The following PRTG variants were observed in gnomAD, a reference collection of about 807,000 sequenced individuals.
PRTG encodes the protein immunoglobulin superfamily, DCC subclass, member 5.
A neutral mutation model predicts 122.5 loss-of-function variants in PRTG; 67 were observed. The ratio of observed to expected loss-of-function variants is 0.55; its 90% confidence interval spans 0.45 to 0.67. PRTG has a LOEUF of 0.67. Among genes scored for constraint, PRTG ranks in the 30% least tolerant of loss-of-function variants. PRTG has a pLI of 0.00. For synonymous variants in PRTG, 554 were observed against 501.1 expected (o/e 1.11, Z -1.41); for missense variants, 1,435 against 1,415.4 (o/e 1.01, Z -0.22).
intron 2 of PRTG, among the ~76,000 whole-genome samples, chr15:55,724,946 C>T (rs1212582710): frequency 6.6e-6 from 1 of 152,114 alleles, no homozygotes; most frequent in Non-Finnish European, 1.5e-5. Flanking sequence ...AACGAAAGGA[C>T]ATTGAACAGC....
chr15:55,733,969 T>C (rs1235029253), intron 2 of PRTG, among the ~76,000 whole-genome samples: 2 of 152,232 alleles, frequency 1.3e-5, no homozygotes, highest in African/African-American at 2.4e-5. Context: ...CCAACATCAC[T>C]GGAAAGTGTT....
intron 2 of PRTG, among the ~76,000 whole-genome samples, chr15:55,728,715 A>G (rs1437142515): frequency 6.6e-6 from 1 of 152,182 alleles, no homozygotes; most frequent in Non-Finnish European, 1.5e-5. Context: ...TGCTATCACC[A>G]CTGTGATTTA....
intron 11 of PRTG, among the ~76,000 whole-genome samples, chr15:55,646,455 T>C (rs2059324471): frequency 6.6e-6 from 1 of 151,888 alleles, no homozygotes; most frequent in African/African-American, 2.4e-5. Flanking sequence ...CCCAAGTAGC[T>C]AGGACTACAG....
In PRTG at chr15:55,615,448, T is replaced by C. The variant is rs192472041; in HGVS notation, c.*4564A>G. 2.0e-5 allele frequency: 3 copies of C among 152,204 alleles called. No homozygotes were observed. Among genetic ancestry groups the C allele is most frequent in the African/African-American group, 7.2e-5 (3 of 41,554 alleles). 9.4% of individuals were successfully genotyped at this position (152,204 alleles called of 1,614,324 possible). A position where few individuals can be genotyped will look rare whatever the true frequency, so the allele number is the denominator to read the frequency against. ...AAGATTAAAGCCTGAAACATACACATTGCATTAGCCTGTGATCTTATGTCC... is the reference window on the plus strand; with the variant it reads ...AAGATTAAAGCCTGAAACATACACACTGCATTAGCCTGTGATCTTATGTCC... On this transcript the variant is annotated 3_prime_UTR_variant, in exon 20 of 20. Transcript: ENST00000389286.
chr15:55,627,246 T>C, intron 16 of PRTG, 118 bp from the exon 17 acceptor site: 2 of 554,802 alleles, frequency 3.6e-6, no homozygotes, highest in Non-Finnish European at 3.0e-6. Flanking sequence ...AGTTTTGACA[T>C]TGTCAACATC....
At chr15:55,656,399 T>C (rs550370132) in intron 11 of PRTG, 1 of 449,650 alleles carries the variant, frequency 2.2e-6, no homozygotes, top group Non-Finnish European at 4.5e-6. Flanking sequence ...AATTATGACT[T>C]TAATTTAGGG....
chr15:55,659,810 T>C (rs2059399667), intron 11 of PRTG, among the ~76,000 whole-genome samples: 1 of 151,850 alleles, frequency 6.6e-6, no homozygotes, highest in Admixed American at 6.6e-5. Flanking sequence ...TCCCAGCTAC[T>C]TGGGAGGCTG....
chr15:55,721,102 G>T (rs2030805332), intron 2 of PRTG, among the ~76,000 whole-genome samples: 1 of 152,124 alleles, frequency 6.6e-6, no homozygotes, highest in South Asian at 2.1e-4. Context: ...ACGAAATACT[G>T]GCATCATCCT....
chr15:55,628,541 T>C (rs896501171), intron 16 of PRTG, among the ~76,000 whole-genome samples: 9 of 152,294 alleles, frequency 5.9e-5, no homozygotes, highest in Admixed American at 3.9e-4. Context: ...TACCAGTTCA[T>C]GGCTGATGTG....
At chr15:55,641,962 C>T (rs2141738551) in intron 11 of PRTG, among the ~76,000 whole-genome samples, 1 of 149,436 alleles carries the variant, frequency 6.7e-6, no homozygotes, top group South Asian at 2.1e-4. Flanking sequence ...ATCATGAGGT[C>T]AGGAGATCGA....
At chr15:55,628,250 G>A (rs2059206419) in intron 16 of PRTG, among the ~76,000 whole-genome samples, 1 of 152,140 alleles carries the variant, frequency 6.6e-6, no homozygotes, top group Admixed American at 6.5e-5. Context: ...CCCCAGAGAG[G>A]AGGCAAAGGC....
intron 1 of PRTG, among the ~76,000 whole-genome samples, chr15:55,740,975 C>G (rs1204847409): frequency 4.6e-5 from 7 of 152,188 alleles, no homozygotes; most frequent in Admixed American, 4.6e-4. Flanking sequence ...TCAAAATCAT[C>G]AGGAAAACTC....
intron 2 of PRTG, chr15:55,738,399 T>C: frequency 1.5e-6 from 1 of 678,022 alleles, no homozygotes; most frequent in Non-Finnish European, 2.7e-6. Context: ...CCTAGGATTC[T>C]ATCAGGCTTC....
rs143863174 is a variant in PRTG, at chr15:55,683,659, G to A, written c.542+128C>T. 620 of 692,478 alleles carry A rather than the reference G, an allele frequency of 9.0e-4. 4 individuals are homozygous for A. In the Middle Eastern group the frequency reaches 9.3e-3, roughly 10 times the overall value. The allele number at this position is 692,478 out of a possible 1,614,324, so 42.9% of individuals were successfully genotyped here. On this transcript the variant is annotated intron_variant, in intron 3 of 19. Coordinates refer to ENST00000389286, the MANE Select transcript of PRTG (RefSeq NM_173814.6). ...CTAATTCTTTGGCTAAGTTTGAAAT[G>A]TCTTAAGCAATCAGTTATTACTGCC...
intron 2 of PRTG, among the ~76,000 whole-genome samples, chr15:55,718,617 C>CA (rs144106032): frequency 0.03 from 3,640 of 122,978 alleles, 160 homozygotes; most frequent in African/African-American, 0.091. Context: ...TTGTTGCTCA[C>CA]AAAAAACAAA....
intron 11 of PRTG, among the ~76,000 whole-genome samples, chr15:55,651,973 G>A (rs1457836244): frequency 6.6e-6 from 1 of 152,086 alleles, no homozygotes; most frequent in Non-Finnish European, 1.5e-5. Context: ...GGAAGATAAA[G>A]CAATTACATC....
In PRTG at chr15:55,673,404, A is replaced by C; in HGVS notation, c.1819T>G (p.Ser607Ala). ...CTTGTAGCTTTGGGCGTCCTATGTG[A>C]AGTCCATACTGATGACTCTCCCAGC... ...VGLGESSVWT[S>A]HRTPKATSVK... The change falls in exon 10 of 20, where the codon TCA becomes GCA. Residue 607 changes from serine to alanine, a missense_variant. Physicochemically the swap from Ser to Ala is moderately conservative, Grantham distance 99 (BLOSUM62 1). Coordinates refer to ENST00000389286, the MANE Select transcript of PRTG (RefSeq NM_173814.6). 1.2e-6 allele frequency: 2 copies of C among 1,614,094 alleles called. 1 individual carries two copies.
intron 18 of PRTG, among the ~76,000 whole-genome samples, 157 bp downstream of exon 18, chr15:55,624,185 T>A (rs970142615): frequency 6.6e-6 from 1 of 152,160 alleles, no homozygotes; most frequent in African/African-American, 2.4e-5. Flanking sequence ...CCCTAAATAT[T>A]TTATGTAAGG....
At chr15:55,719,482 T>C (rs562179824) in intron 2 of PRTG, among the ~76,000 whole-genome samples, 3 of 152,210 alleles carry the variant, frequency 2.0e-5, no homozygotes, top group Non-Finnish European at 4.4e-5. Context: ...ATATACTCAA[T>C]GAATGTTAAA....
Sources: gnomAD v4.1 joint callset for allele counts (sites outside exome capture counted in the v4.1 genomes callset) on GRCh38, gnomAD v4.1.1 for gene constraint, MANE v1.5 for transcripts, NCBI Gene and HGNC (gene_info 2026-07-23, HGNC 2026-07-21) for gene names.